RBFOX1: variants seen among roughly 807,000 people sequenced by gnomAD.
The protein encoded by RBFOX1 is RNA binding fox-1 homolog 1, also known as RNA binding protein fox-1 homolog 1.
A neutral mutation model predicts 57.7 loss-of-function variants in RBFOX1; 8 were observed. That is an observed-to-expected ratio of 0.14 (90% CI 0.08 to 0.25). The LOEUF is 0.25. Ranked by LOEUF, RBFOX1 falls within the 10% of genes least tolerant of loss-of-function variation. The pLI is 1.00. For synonymous variants in RBFOX1, 326 were observed against 222.4 expected (o/e 1.47, Z -4.15); for missense variants, 611 against 548.5 (o/e 1.11, Z -1.14).
intron 4 of RBFOX1, among the ~76,000 whole-genome samples, chr16:5,916,301 C>T (rs2058702689): frequency 1.3e-5 from 2 of 152,154 alleles, no homozygotes; most frequent in African/African-American, 2.4e-5. Context: ...TTCCCCCCTC[C>T]TTTGTTGGAG....
intron 3 of RBFOX1, among the ~76,000 whole-genome samples, chr16:7,037,679 C>G (rs567224661): frequency 6.6e-6 from 1 of 152,314 alleles, no homozygotes; most frequent in South Asian, 2.1e-4. Context: ...TCATTCAAAT[C>G]ATGTGATGAC....
intron 2 of RBFOX1, among the ~76,000 whole-genome samples, chr16:6,357,173 A>G (rs1304924027): frequency 6.6e-6 from 1 of 152,100 alleles, no homozygotes; most frequent in Non-Finnish European, 1.5e-5. Context: ...TGCTACAGGC[A>G]AATATCTGGC....
chr16:5,644,670 C>A (rs2048990152), intron 3 of RBFOX1, among the ~76,000 whole-genome samples: 1 of 152,196 alleles, frequency 6.6e-6, no homozygotes, highest in African/African-American at 2.4e-5. Context: ...GATAAAAATA[C>A]TGTGCATTCT....
intron 2 of RBFOX1, among the ~76,000 whole-genome samples, chr16:6,375,241 T>C (rs1407518153): frequency 6.6e-6 from 1 of 152,106 alleles, no homozygotes. Context: ...GAATTCTCCA[T>C]GTCATTCTCT....
intron 4 of RBFOX1, among the ~76,000 whole-genome samples, chr16:7,362,309 C>CGT (rs949658477): frequency 0.015 from 1,406 of 93,410 alleles, 14 homozygotes; most frequent in African/African-American, 0.042. Context: ...CGTGTGTTTG[C>CGT]GTGTGTGTGT....
intron 3 of RBFOX1, among the ~76,000 whole-genome samples, chr16:5,742,318 CCCTT>C (rs1349937158): frequency 6.9e-6 from 1 of 145,964 alleles, no homozygotes; most frequent in South Asian, 2.3e-4. Flanking sequence ...CTCCCTCCCT[CCCTT>C]CCTCCCTTCC....
At chr16:7,476,352 C>T (rs1181032616) in intron 4 of RBFOX1, among the ~76,000 whole-genome samples, 1 of 152,214 alleles carries the variant, frequency 6.6e-6, no homozygotes, top group Non-Finnish European at 1.5e-5. Flanking sequence ...GCTTTCTTGT[C>T]TTCAGATCCT....
chr16:5,791,272 C>G lies in RBFOX1; in HGVS notation c.319-76031C>G, dbSNP rs192847045. Among the ~76,000 whole-genome samples the G allele has an allele frequency of 5.3e-5, 8 of 152,268 alleles. No individual in the cohort carries two copies. The East Asian group carries it at 1.5e-3, about 29-fold the overall frequency. Reference sequence around the variant, plus strand: ...GCCAACTATCTTTTGTATTTTCTATCGCACTAAAAAATGTAGCTCTAACTG... The same window carrying G: ...GCCAACTATCTTTTGTATTTTCTATGGCACTAAAAAATGTAGCTCTAACTG... On this transcript the variant is annotated intron_variant, in intron 3 of 19. Transcript: ENST00000641259.
chr16:7,168,324 A>G (rs1314536890), intron 4 of RBFOX1, among the ~76,000 whole-genome samples: 1 of 152,156 alleles, frequency 6.6e-6, no homozygotes, highest in Non-Finnish European at 1.5e-5. Context: ...CAGCTGAGAC[A>G]TAAAGGAAGT....
At chr16:6,407,567 G>GTGTGTGTGTGTGTGTC (rs67151505) in intron 2 of RBFOX1, among the ~76,000 whole-genome samples, 7,804 of 144,914 alleles carry the variant, frequency 0.054, 729 homozygotes, top group African/African-American at 0.17. Context: ...GTGTGTGTGT[G>GTGTGTGTGTGTGTGTC]ACAGAGAGAG....
chr16:7,648,310 C>G (rs917096944), intron 11 of RBFOX1, among the ~76,000 whole-genome samples: 1 of 152,102 alleles, frequency 6.6e-6, no homozygotes, highest in African/African-American at 2.4e-5. Flanking sequence ...ACCTCCTCTA[C>G]CTCTCCTGGG....
intron 4 of RBFOX1, among the ~76,000 whole-genome samples, chr16:6,010,345 C>T (rs1025712932): frequency 2.6e-5 from 4 of 152,170 alleles, no homozygotes; most frequent in East Asian, 1.9e-4. Context: ...TCCCTTGCCC[C>T]GGGGTGGGGT....
chr16:6,863,916 T>A (rs981822948), intron 3 of RBFOX1, among the ~76,000 whole-genome samples: 2 of 151,752 alleles, frequency 1.3e-5, no homozygotes, highest in East Asian at 1.9e-4. Context: ...GCCATTTGTT[T>A]CCTTCACACT....
At chr16:6,230,237 A>T (rs988556067) in intron 1 of RBFOX1, among the ~76,000 whole-genome samples, 6 of 152,312 alleles carry the variant, frequency 3.9e-5, no homozygotes, top group African/African-American at 1.2e-4. Flanking sequence ...TAATTTTTTT[A>T]AATAACAATA....
chr16:5,743,186 C>G (rs191841105), intron 3 of RBFOX1, among the ~76,000 whole-genome samples: 12 of 152,168 alleles, frequency 7.9e-5, no homozygotes, highest in African/African-American at 2.4e-4. Flanking sequence ...TTTTCTATTT[C>G]TCTTTGTATG....
At chr16:6,102,687 A>T (rs114905549) in intron 1 of RBFOX1, among the ~76,000 whole-genome samples, 1 of 152,130 alleles carries the variant, frequency 6.6e-6, no homozygotes, top group African/African-American at 2.4e-5. Flanking sequence ...AATTTTATAG[A>T]ACGGTTATTG....
At chr16:6,802,242 C>G (rs528292306) in intron 3 of RBFOX1, among the ~76,000 whole-genome samples, 15 of 152,202 alleles carry the variant, frequency 9.9e-5, no homozygotes, top group African/African-American at 3.6e-4. Flanking sequence ...AACTTAACCA[C>G]TCAGTCAGTG....
chr16:7,541,794 C>T (rs1191849200), intron 5 of RBFOX1, among the ~76,000 whole-genome samples: 2 of 152,166 alleles, frequency 1.3e-5, no homozygotes, highest in Non-Finnish European at 2.9e-5. Context: ...TCTGTTTCTT[C>T]CTCTGGCAAA....
chr16:6,784,759 G>A (rs1000712435), intron 3 of RBFOX1, among the ~76,000 whole-genome samples: 2 of 151,852 alleles, frequency 1.3e-5, no homozygotes, highest in East Asian at 1.9e-4. Flanking sequence ...TCCTGTGGTC[G>A]GGGGTTGTGG....
Sources: allele counts gnomAD v4.1 joint callset (sites outside exome capture counted in the v4.1 genomes callset), GRCh38; gene constraint gnomAD v4.1.1; transcripts MANE v1.5; gene names NCBI Gene and HGNC (gene_info 2026-07-23, HGNC 2026-07-21).